DDB1: variants seen among roughly 807,000 people sequenced by gnomAD.
DDB1 encodes the protein DNA damage-binding protein 1.
DDB1 carries 18 observed loss-of-function variants against 133.1 expected under a neutral mutation model. The ratio of observed to expected loss-of-function variants is 0.14; its 90% CI spans 0.09 to 0.20. DDB1 has a LOEUF of 0.20. Among genes scored for constraint, DDB1 ranks in the 10% least tolerant of loss-of-function variants. The pLI, the probability that DDB1 is intolerant of heterozygous loss-of-function variation, is 1.00. For synonymous variants in DDB1, 580 were observed against 550.5 expected (o/e 1.05, Z -0.75); for missense variants, 828 against 1,459.2 (o/e 0.57, Z 7.05).
chr11:61,322,233 T>C (rs1856193289), intron 9 of DDB1, 63 bp downstream of exon 9: 4 of 1,304,162 alleles, frequency 3.1e-6, no homozygotes, highest in African/African-American at 2.9e-5. Context: ...TAGATAAGCA[T>C]AGCTAGGAGG....
At chr11:61,321,465 C>A in intron 10 of DDB1, 130 bp downstream of exon 10, 23 of 507,740 alleles carry the variant, frequency 4.5e-5, no homozygotes, top group East Asian at 1.2e-4. Flanking sequence ...AGCTTCTGAT[C>A]TGTTGTTACG....
At position 61,323,957 on chromosome 11, in the gene DDB1, G is replaced by C. The variant is rs1320569104; in HGVS notation, c.921+22C>G. 5 of 1,613,848 alleles carry C rather than the reference G, an allele frequency of 3.1e-6. No homozygotes were observed. In the African/African-American group the frequency reaches 4.0e-5, roughly 13 times the overall value. On this transcript the variant is annotated intron_variant, in intron 7 of 26. Coordinates refer to ENST00000301764, the MANE Select transcript of DDB1 (RefSeq NM_001923.5). ...AGGAACCTAAAAGAACATTGTAGAGGAACAGGGAGAACAAGCTCTACCTCT... is the reference window on the plus strand; with the variant it reads ...AGGAACCTAAAAGAACATTGTAGAGCAACAGGGAGAACAAGCTCTACCTCT...
intron 6 of DDB1, chr11:61,324,443 T>C: frequency 3.8e-6 from 1 of 265,524 alleles, no homozygotes; most frequent in Non-Finnish European, 7.4e-6. Context: ...TCTACTGAAC[T>C]ATGCATGCTA....
At chr11:61,306,969 T>C (rs1390229470) in intron 21 of DDB1, among the ~76,000 whole-genome samples, 31 of 152,210 alleles carry the variant, frequency 2.0e-4, no homozygotes, top group Admixed American at 2.0e-3. Context: ...TCTACTCAAA[T>C]TGCCAATACC....
At chr11:61,302,504 T>G (rs1855814797) in intron 24 of DDB1, 78 bp downstream of exon 24, 1 of 1,596,860 alleles carries the variant, frequency 6.3e-7, no homozygotes, top group Admixed American at 1.7e-5. Flanking sequence ...CTTGTACAGT[T>G]GCTCTCCCCA....
chr11:61,315,375 A>C (rs1388013266), intron 12 of DDB1: 4 of 152,344 alleles, frequency 2.6e-5, no homozygotes, highest in South Asian at 2.1e-4. Context: ...GCTCTTTAAT[A>C]ATAAATAGGT....
At chr11:61,318,223 A>G (rs114110357) in intron 10 of DDB1, among the ~76,000 whole-genome samples, 1,625 of 152,334 alleles carry the variant, frequency 0.011, 19 homozygotes, top group African/African-American at 0.033. Flanking sequence ...CAGATTAACA[A>G]ATCCCTTCTC....
At chr11:61,306,884 C>T (rs1484880717) in intron 21 of DDB1, among the ~76,000 whole-genome samples, 1 of 152,184 alleles carries the variant, frequency 6.6e-6, no homozygotes. Context: ...GGTTCCTAAA[C>T]CTCTCAGAAA....
At chr11:61,329,187 T>C (rs1042931831) in intron 4 of DDB1, 176 bp downstream of exon 4, 4 of 605,128 alleles carry the variant, frequency 6.6e-6, no homozygotes, top group Admixed American at 2.6e-5. Context: ...TAAGTACTAC[T>C]GCACTCAAGA....
intron 10 of DDB1, among the ~76,000 whole-genome samples, chr11:61,319,465 C>T (rs1177648336): frequency 1.3e-5 from 2 of 151,278 alleles, no homozygotes; most frequent in African/African-American, 4.9e-5. Flanking sequence ...TGGAGTCTTG[C>T]TGTGACGCCA....
intron 12 of DDB1, 165 bp downstream of exon 12, chr11:61,316,120 G>A (rs1856061183): frequency 1.6e-6 from 1 of 629,246 alleles, no homozygotes; most frequent in Non-Finnish European, 2.8e-6. Flanking sequence ...CTAAGGTTAA[G>A]AGTTGTGATC....
intron 9 of DDB1, 150 bp from the exon 10 acceptor site, chr11:61,321,847 C>T: frequency 1.5e-6 from 1 of 680,240 alleles, no homozygotes; most frequent in East Asian, 2.7e-5. Flanking sequence ...AGGTTGATTT[C>T]CAAAGTCTTT....
intron 3 of DDB1, 109 bp from the exon 4 acceptor site, chr11:61,329,693 G>T: frequency 9.7e-7 from 1 of 1,030,334 alleles, no homozygotes; most frequent in Non-Finnish European, 1.4e-6. Context: ...TAAAACTAAT[G>T]GATCTATTTG....
intron 1 of DDB1, 77 bp downstream of exon 1, chr11:61,332,831 G>A (rs1012054085): frequency 2.3e-6 from 3 of 1,302,972 alleles, no homozygotes; most frequent in East Asian, 3.1e-5. Context: ...GGCCGCCCCC[G>A]GGGCGGCGGG....
chr11:61,323,617 T>C, intron 7 of DDB1: 2 of 254,262 alleles, frequency 7.9e-6, no homozygotes, highest in Middle Eastern at 1.5e-3. Context: ...TTTGCCATAT[T>C]GCCCAGGCTA....
In DDB1 at chr11:61,326,907, G is replaced by A. The variant is rs1368264500; in HGVS notation, c.550-14C>T. ...CCCCTGAGGGTCCTGGGGGGGAAAG[G>A]TAAAATGGTTAGCCCTTAGGAAGGG... On this transcript the variant is annotated splice_polypyrimidine_tract_variant and intron_variant, in intron 4 of 26. Transcript: ENST00000301764. 1.2e-6 allele frequency: 2 copies of A among 1,600,956 alleles called. No individual in the cohort carries two copies. The highest frequency in any genetic ancestry group is 1.7e-5 in the Admixed American group (1 of 59,980).
In DDB1 at chr11:61,307,385, TTA is replaced by T. The variant is rs376690835; in HGVS notation, c.2661+1596_2661+1597del. Among the ~76,000 whole-genome samples the T allele has an allele frequency of 3.6e-3, 554 of 152,328 alleles. 1 individual carries two copies. Among genetic ancestry groups the T allele is most frequent in the African/African-American group, 0.013 (524 of 41,580 alleles). ...CCACTGACTTCCATGTTACTAATCT[TTA>T]TGTTACCTGACCTGCCAGCAACACT... is the stretch of plus-strand genomic sequence containing the variant. On this transcript the variant is annotated intron_variant, in intron 21 of 26. Transcript: ENST00000301764.
chr11:61,331,616 G>A lies in DDB1; in HGVS notation c.137C>T (p.Ala46Val), dbSNP rs1224288312. Residue 46 changes from alanine to valine, a missense_variant, in exon 2 of 27, where the codon GCC (alanine) becomes GTC (valine). Transcript: ENST00000301764. ...NTRLEIYVVT[A>V]EGLRPVKEVG... ...CTCTTTGACGGGCCGAAGCCCCTCG[G>A]CGGTGACCACATAGATCTCTAATCT... 1 of 1,614,022 alleles carries A rather than the reference G, an allele frequency of 6.2e-7. No individual in the cohort carries two copies. Among genetic ancestry groups the A allele is most frequent in the African/African-American group, 1.3e-5 (1 of 74,900 alleles).
intron 15 of DDB1, 35 bp downstream of exon 15, chr11:61,313,827 T>C: frequency 6.2e-7 from 1 of 1,611,182 alleles, no homozygotes; most frequent in Non-Finnish European, 8.5e-7. Context: ...TACTCTATTT[T>C]TGAAAGAGTC....
Sources: gnomAD v4.1 joint callset for allele counts (sites outside exome capture counted in the v4.1 genomes callset) on GRCh38, gnomAD v4.1.1 for gene constraint, MANE v1.5 for transcripts, NCBI Gene and HGNC (gene_info 2026-07-23, HGNC 2026-07-21) for gene names.